The following SAMMSON variants were observed in gnomAD, a reference collection of about 807,000 sequenced individuals.
SAMMSON encodes the protein survival associated mitochondrial melanoma specific oncogenic non-coding RNA, also known as long intergenic non-protein coding RNA 1212.
chr3:70,324,382 C>T (rs1401505975), intron 7 of SAMMSON, among the ~76,000 whole-genome samples: 4 of 152,030 alleles, frequency 2.6e-5, no homozygotes, highest in Non-Finnish European at 5.9e-5. Context: ...GCTTAACTAG[C>T]CTGAAGACCA....
At chr3:70,056,839 C>G (rs530480637) in intron 3 of SAMMSON, among the ~76,000 whole-genome samples, 112 of 152,006 alleles carry the variant, frequency 7.4e-4, no homozygotes, top group Admixed American at 1.5e-3. Context: ...ATATATTTTT[C>G]CTATGACAGG....
intron 7 of SAMMSON, among the ~76,000 whole-genome samples, chr3:70,351,001 G>C (rs1012676125): frequency 1.3e-5 from 2 of 152,130 alleles, no homozygotes; most frequent in Non-Finnish European, 2.9e-5. Flanking sequence ...GAAGCCTTGA[G>C]CAGTGGTTCT....
intron 7 of SAMMSON, among the ~76,000 whole-genome samples, chr3:70,337,979 C>A (rs866616622): frequency 6.6e-6 from 1 of 151,508 alleles, no homozygotes; most frequent in Admixed American, 6.6e-5. Flanking sequence ...GAATTAAACC[C>A]TTTTGATTGC....
At chr3:70,140,418 G>T in intron 4 of SAMMSON, 1 of 193,232 alleles carries the variant, frequency 5.2e-6, no homozygotes, top group South Asian at 1.1e-4. Context: ...GAATGCCATG[G>T]AGGAGCTTTG....
intron 4 of SAMMSON, among the ~76,000 whole-genome samples, chr3:70,164,515 G>A (rs1459219572): frequency 6.6e-6 from 1 of 151,968 alleles, no homozygotes; most frequent in Admixed American, 6.6e-5. Flanking sequence ...CACTTTTTCT[G>A]GTTAGATCAT....
At chr3:70,194,661 C>T (rs756405918) in intron 4 of SAMMSON, among the ~76,000 whole-genome samples, 27 of 152,148 alleles carry the variant, frequency 1.8e-4, no homozygotes, top group Non-Finnish European at 3.5e-4. Flanking sequence ...CCACATAAGA[C>T]CTGGTGATTT....
At chr3:70,211,780 C>T (rs966644968) in intron 4 of SAMMSON, among the ~76,000 whole-genome samples, 7 of 143,112 alleles carry the variant, frequency 4.9e-5, no homozygotes, top group African/African-American at 1.8e-4. Flanking sequence ...TTCCTTTCCT[C>T]TCCTTTCCTT....
intron 6 of SAMMSON, among the ~76,000 whole-genome samples, chr3:70,263,275 A>G (rs1445575198): frequency 6.6e-6 from 1 of 151,826 alleles, no homozygotes; most frequent in Non-Finnish European, 1.5e-5. Flanking sequence ...TATGTTATCG[A>G]GTGCTGGTTT....
At chr3:70,192,876 A>T (rs1274405132) in intron 4 of SAMMSON, among the ~76,000 whole-genome samples, 1 of 152,170 alleles carries the variant, frequency 6.6e-6, no homozygotes, top group Non-Finnish European at 1.5e-5. Context: ...GATAATTGAG[A>T]CTGACAGAAT....
At chr3:70,067,007 C>T (rs920693251) in intron 3 of SAMMSON, among the ~76,000 whole-genome samples, 6 of 152,084 alleles carry the variant, frequency 3.9e-5, no homozygotes, top group Admixed American at 3.9e-4. Context: ...CATGTTTTTC[C>T]CCTTCATTCT....
intron 2 of SAMMSON, among the ~76,000 whole-genome samples, chr3:70,432,452 G>A (rs1303268983): frequency 1.3e-5 from 2 of 151,342 alleles, no homozygotes. Context: ...TCTGTTGCCT[G>A]TTTACTCATT....
chr3:70,044,981 A>G (rs965338040), intron 3 of SAMMSON, among the ~76,000 whole-genome samples: 2 of 136,214 alleles, frequency 1.5e-5, no homozygotes, highest in Non-Finnish European at 3.1e-5. Context: ...ACATAAAGTA[A>G]AATACTTTAA....
chr3:70,334,828 C>T (rs116707445), intron 7 of SAMMSON, among the ~76,000 whole-genome samples: 28 of 152,194 alleles, frequency 1.8e-4, no homozygotes, highest in African/African-American at 6.7e-4. Context: ...ATCTCTTTAG[C>T]TCATCTCAAT....
intron 4 of SAMMSON, among the ~76,000 whole-genome samples, chr3:70,107,238 A>T (rs2067370491): frequency 6.6e-6 from 1 of 152,204 alleles, no homozygotes; most frequent in Non-Finnish European, 1.5e-5. Flanking sequence ...AGAGAGTCCT[A>T]ACAGAGAAGA....
chr3:70,280,042 C>T lies in SAMMSON; in HGVS notation n.675-11137C>T, dbSNP rs80177359. Among the ~76,000 whole-genome samples the T allele has an allele frequency of 8.6e-3, 1,317 of 152,272 alleles. 22 individuals carry two copies. Among genetic ancestry groups the T allele is most frequent in the African/African-American group, 0.03 (1,253 of 41,546 alleles). On this transcript the variant is annotated intron_variant and non_coding_transcript_variant, in intron 6 of 9. Transcript: ENST00000642114. ...GGCCAGAAGTGTGAAGTCAGTTTCACTGGAGCAAAATCAAGGTGTCAGCAA... is the reference window on the plus strand; with the variant it reads ...GGCCAGAAGTGTGAAGTCAGTTTCATTGGAGCAAAATCAAGGTGTCAGCAA...
chr3:70,197,204 C>T (rs1053165706), intron 4 of SAMMSON: 1 of 398,246 alleles, frequency 2.5e-6, no homozygotes, highest in Admixed American at 4.4e-5. Context: ...AGAAGAAGAC[C>T]AATTAATAGT....
rs560550714 is a variant in SAMMSON, at chr3:70,164,268, A to G, written n.508-84839A>G. 2.0e-5 allele frequency among the ~76,000 whole-genome samples: 3 copies of G among 152,050 alleles called. No homozygotes were observed. The South Asian group carries it at 6.2e-4, about 32-fold the overall frequency. On this transcript the variant is annotated intron_variant and non_coding_transcript_variant, in intron 4 of 9. Transcript: ENST00000642114. The stretch of plus-strand genomic sequence containing the variant: ...GACACTTGCCTAATTTTTCTGAACC[A>G]CAGTTTCCTCATCTACTCATGGTAA...
chr3:70,262,914 T>C (rs1444784433), intron 6 of SAMMSON, among the ~76,000 whole-genome samples: 2 of 152,222 alleles, frequency 1.3e-5, no homozygotes, highest in African/African-American at 4.8e-5. Context: ...TTGCTTTGGA[T>C]AGTTTCTGTT....
intron 3 of SAMMSON, among the ~76,000 whole-genome samples, chr3:70,023,523 C>A (rs1053186231): frequency 1.3e-5 from 2 of 151,502 alleles, no homozygotes; most frequent in Admixed American, 6.6e-5. Context: ...TCCTTTATTT[C>A]CTGTAGTCAT....
Sources: allele counts gnomAD v4.1 joint callset (sites outside exome capture counted in the v4.1 genomes callset), GRCh38; gene constraint gnomAD v4.1.1; transcripts MANE v1.5; gene names NCBI Gene and HGNC (gene_info 2026-07-23, HGNC 2026-07-21).